The following PRKCA variants were observed in gnomAD, a reference collection of about 807,000 sequenced individuals.
The protein encoded by PRKCA is protein kinase C alpha type.
A neutral mutation model predicts 87.0 loss-of-function variants in PRKCA; 27 were observed. The ratio of observed to expected loss-of-function variants is 0.31; its 90% CI spans 0.23 to 0.43. PRKCA has a LOEUF of 0.43. Among genes scored for constraint, PRKCA ranks in the 20% least tolerant of loss-of-function variants. The pLI is 1.00. For synonymous variants in PRKCA, 329 were observed against 311.1 expected (o/e 1.06, Z -0.61); for missense variants, 518 against 852.3 (o/e 0.61, Z 4.88).
chr17:66,596,406 C>G (rs929909480), intron 3 of PRKCA, among the ~76,000 whole-genome samples: 3 of 151,998 alleles, frequency 2.0e-5, no homozygotes, highest in Non-Finnish European at 4.4e-5. Flanking sequence ...CTGTTCAGAG[C>G]CAGGCTCTGC....
intron 3 of PRKCA, among the ~76,000 whole-genome samples, chr17:66,564,973 C>T (rs1968841854): frequency 6.6e-6 from 1 of 152,134 alleles, no homozygotes; most frequent in East Asian, 1.9e-4. Flanking sequence ...GAGTAAGACT[C>T]CGTGTCAAAA....
chr17:66,710,386 G>GA (rs1973294143), intron 8 of PRKCA, among the ~76,000 whole-genome samples: 1 of 151,902 alleles, frequency 6.6e-6, no homozygotes, highest in African/African-American at 2.4e-5. Context: ...AGCACTTCCT[G>GA]TGTGTAACAT....
intron 13 of PRKCA, among the ~76,000 whole-genome samples, chr17:66,745,721 T>G (rs1209538628): frequency 6.6e-6 from 1 of 152,108 alleles, no homozygotes; most frequent in Non-Finnish European, 1.5e-5. Flanking sequence ...CCTTCTCTCA[T>G]TTAATCCTCA....
At chr17:66,686,630 C>T (rs999617289) in intron 5 of PRKCA, among the ~76,000 whole-genome samples, 18 of 152,132 alleles carry the variant, frequency 1.2e-4, no homozygotes, top group Admixed American at 5.2e-4. Context: ...GAGTTGGAAG[C>T]CATTGGCCTT....
intron 5 of PRKCA, among the ~76,000 whole-genome samples, chr17:66,649,792 A>G (rs191414635): frequency 6.6e-6 from 1 of 152,342 alleles, no homozygotes; most frequent in Admixed American, 6.5e-5. Context: ...ACAAAGAACA[A>G]CCCATATCCA....
At chr17:66,400,890 G>A (rs1300272549) in intron 2 of PRKCA, among the ~76,000 whole-genome samples, 3 of 152,172 alleles carry the variant, frequency 2.0e-5, no homozygotes, top group Admixed American at 6.5e-5. Flanking sequence ...ATTTATCTAT[G>A]TTTGCTGCTT....
intron 2 of PRKCA, among the ~76,000 whole-genome samples, chr17:66,478,800 A>G (rs558560311): frequency 1.3e-5 from 2 of 152,306 alleles, no homozygotes; most frequent in African/African-American, 4.8e-5. Context: ...TTCTCTTGCA[A>G]CAACTTACAG....
intron 5 of PRKCA, among the ~76,000 whole-genome samples, chr17:66,664,164 A>G (rs981778517): frequency 2.0e-5 from 3 of 152,110 alleles, no homozygotes; most frequent in Middle Eastern, 6.8e-3. Flanking sequence ...CACCGCGCCC[A>G]ACCGTCTTTG....
intron 14 of PRKCA, among the ~76,000 whole-genome samples, chr17:66,783,706 T>G (rs1341745184): frequency 1.3e-5 from 2 of 152,212 alleles, no homozygotes; most frequent in Admixed American, 1.3e-4. Flanking sequence ...GAGAAGCTTC[T>G]CACTACCCTA....
At chr17:66,509,998 G>T (rs1212025591) in intron 3 of PRKCA, among the ~76,000 whole-genome samples, 1 of 152,072 alleles carries the variant, frequency 6.6e-6, no homozygotes, top group Non-Finnish European at 1.5e-5. Flanking sequence ...ACCTTATTTT[G>T]TTGTCGTGGT....
chr17:66,497,890 G>C (rs549044536), intron 3 of PRKCA, among the ~76,000 whole-genome samples: 2 of 152,322 alleles, frequency 1.3e-5, no homozygotes, highest in Non-Finnish European at 2.9e-5. Flanking sequence ...CAGTGCACGG[G>C]AACATGCACA....
chr17:66,588,534 G>A (rs1169425037), intron 3 of PRKCA, among the ~76,000 whole-genome samples: 4 of 150,860 alleles, frequency 2.7e-5, no homozygotes, highest in Non-Finnish European at 4.4e-5. Context: ...CCTGAGACAA[G>A]TTGGTGGTGT....
Position 66,578,808 on chromosome 17 carries a change from T to C in PRKCA, c.289-62547T>C, listed in dbSNP as rs111896353. On this transcript the variant is annotated intron_variant, in intron 3 of 16. Coordinates refer to ENST00000413366, the MANE Select transcript of PRKCA (RefSeq NM_002737.3). ...CCTAACTGACCGCCTGTCTCTCTGG[T>C]CTTGTGCCTCCTCCCAGCCGTCCTC... 2.8e-4 allele frequency among the ~76,000 whole-genome samples: 43 copies of C among 152,278 alleles called. 2 individuals carry two copies. The highest frequency in any genetic ancestry group is 1.0e-3 in the African/African-American group (42 of 41,556).
At chr17:66,517,773 G>A (rs1190172618) in intron 3 of PRKCA, among the ~76,000 whole-genome samples, 1 of 152,154 alleles carries the variant, frequency 6.6e-6, no homozygotes, top group Non-Finnish European at 1.5e-5. Context: ...TCCAGTTGAG[G>A]TGTGCAACTT....
At chr17:66,572,967 A>T (rs1567906831) in intron 3 of PRKCA, among the ~76,000 whole-genome samples, 1 of 152,140 alleles carries the variant, frequency 6.6e-6, no homozygotes. Flanking sequence ...CTGAAGAATT[A>T]CATCTGCTTC....
At chr17:66,451,736 G>A (rs1365439173) in intron 2 of PRKCA, among the ~76,000 whole-genome samples, 1 of 152,126 alleles carries the variant, frequency 6.6e-6, no homozygotes, top group African/African-American at 2.4e-5. Flanking sequence ...GGCAAGGAAG[G>A]ATCCCTAGGT....
chr17:66,503,773 A>AT (rs1916854655), intron 3 of PRKCA, among the ~76,000 whole-genome samples: 1 of 152,220 alleles, frequency 6.6e-6, no homozygotes, highest in South Asian at 2.1e-4. Context: ...CATTTCAAAG[A>AT]TTCATTTATA....
chr17:66,563,810 C>T (rs8065647), intron 3 of PRKCA, among the ~76,000 whole-genome samples: 2,014 of 152,258 alleles, frequency 0.013, 44 homozygotes, highest in African/African-American at 0.046. Flanking sequence ...ACTGTCTGTG[C>T]AGAGGTACGT....
intron 2 of PRKCA, among the ~76,000 whole-genome samples, chr17:66,376,041 T>G (rs1045932642): frequency 1.3e-5 from 2 of 152,242 alleles, no homozygotes; most frequent in Non-Finnish European, 2.9e-5. Flanking sequence ...GACTTCCTTC[T>G]GTGTGCTGGG....
Sources: gnomAD v4.1 joint callset for allele counts (sites outside exome capture counted in the v4.1 genomes callset) on GRCh38, gnomAD v4.1.1 for gene constraint, MANE v1.5 for transcripts, NCBI Gene and HGNC (gene_info 2026-07-23, HGNC 2026-07-21) for gene names.